The following EWSR1 variants were observed in gnomAD, a reference collection of about 807,000 sequenced individuals.
EWSR1 encodes RNA-binding protein EWS.
EWSR1 carries 14 observed loss-of-function variants against 92.1 expected under a neutral mutation model. That is an observed-to-expected ratio of 0.15 (90% CI 0.10 to 0.24). The LOEUF is 0.24. EWSR1 is among the 10% of genes least tolerant of loss of function. The pLI is 1.00. For missense variants in EWSR1, 637 were observed against 870.9 expected (o/e 0.73, Z 3.38); for synonymous variants, 303 against 292.9 (o/e 1.03, Z -0.35).
intron 3 of EWSR1, 144 bp from the exon 4 acceptor site, chr22:29,273,597 G>C (rs2058859793): frequency 1.1e-6 from 1 of 898,480 alleles, no homozygotes; most frequent in African/African-American, 1.7e-5. Flanking sequence ...GTGATTATTT[G>C]TCTTGTTTTG....
At chr22:29,299,104 G>A in intron 14 of EWSR1, 130 bp from the exon 15 acceptor site, 2 of 1,549,024 alleles carry the variant, frequency 1.3e-6, no homozygotes, top group Non-Finnish European at 1.8e-6. Context: ...GCTGCCTGAG[G>A]CTGTGCCCTA....
At chr22:29,273,908 G>A (rs758647750) in intron 4 of EWSR1, 44 bp downstream of exon 4, 1 of 1,609,798 alleles carries the variant, frequency 6.2e-7, no homozygotes, top group Non-Finnish European at 8.5e-7. Context: ...TCTGGCTAGG[G>A]CATTGGCTAA....
intron 1 of EWSR1, among the ~76,000 whole-genome samples, chr22:29,268,660 G>C (rs934615202): frequency 6.6e-6 from 1 of 152,166 alleles, no homozygotes; most frequent in African/African-American, 2.4e-5. Flanking sequence ...CCACGTGGGC[G>C]GGGCCTGCGG....
intron 5 of EWSR1, among the ~76,000 whole-genome samples, chr22:29,281,015 G>T (rs1368946636): frequency 6.6e-6 from 1 of 151,666 alleles, no homozygotes; most frequent in Non-Finnish European, 1.5e-5. Context: ...AAGTAGCTGG[G>T]ACTACAGGCA....
chr22:29,282,784 A>G (rs1233755010), intron 6 of EWSR1, among the ~76,000 whole-genome samples: 6 of 142,748 alleles, frequency 4.2e-5, no homozygotes. Context: ...TTCCCCCGAG[A>G]CGGAGTCTCT....
At chr22:29,281,544 A>G (rs2059602161) in intron 5 of EWSR1, among the ~76,000 whole-genome samples, 1 of 151,876 alleles carries the variant, frequency 6.6e-6, no homozygotes, top group African/African-American at 2.4e-5. Flanking sequence ...GGCTCAAACC[A>G]TCCTCCTGCC....
intron 5 of EWSR1, 94 bp from the exon 6 acceptor site, chr22:29,282,296 G>A (rs376496961): frequency 1.9e-5 from 18 of 948,420 alleles, no homozygotes; most frequent in Non-Finnish European, 2.3e-5. Context: ...CTTATTGCTC[G>A]TAGCTTTGTA....
At chr22:29,287,712 T>C (rs548156925) in intron 7 of EWSR1, among the ~76,000 whole-genome samples, 1 of 152,264 alleles carries the variant, frequency 6.6e-6, no homozygotes, top group Non-Finnish European at 1.5e-5. Flanking sequence ...TTTAGACTGC[T>C]AGCCCTGCTG....
intron 4 of EWSR1, chr22:29,276,818 GT>G: frequency 4.3e-6 from 1 of 231,192 alleles, no homozygotes; most frequent in Non-Finnish European, 8.6e-6. Context: ...GCCCAGCTAA[GT>G]TTGTTTATTT....
chr22:29,284,022 C>T (rs562352963), intron 6 of EWSR1, among the ~76,000 whole-genome samples: 13 of 151,326 alleles, frequency 8.6e-5, no homozygotes, highest in East Asian at 1.9e-4. Flanking sequence ...TTAGTAGAGA[C>T]GGGGTTTCTC....
intron 4 of EWSR1, chr22:29,277,229 A>G (rs2059190738): frequency 4.4e-6 from 1 of 226,206 alleles, no homozygotes; most frequent in Non-Finnish European, 8.8e-6. Context: ...GTTTACCTCC[A>G]ATATTGCTGA....
In EWSR1 at chr22:29,288,607, T is replaced by C. The variant is rs1335758733; in HGVS notation, c.795T>C (p.Ser265=). The change falls in exon 8 of 17, where the codon AGT becomes AGC. Residue 265 remains serine, a splice_region_variant and synonymous_variant. Coordinates refer to ENST00000397938, the MANE Select transcript of EWSR1 (RefSeq NM_005243.4). The stretch of plus-strand genomic sequence containing the variant: ...TTACAGATGTGACTCTTTCCTCAGG[T>C]TCATTCCGACAGGACCACCCCAGTA... ...SQQSSSYGQQ[S]SFRQDHPSSM... The C allele has an allele frequency of 6.2e-7, 1 of 1,610,194 alleles. No individual in the cohort carries two copies. The highest frequency in any genetic ancestry group is 1.1e-5 in the South Asian group (1 of 90,734).
At chr22:29,296,162 T>C in intron 11 of EWSR1, 77 bp from the exon 12 acceptor site, 2 of 1,458,132 alleles carry the variant, frequency 1.4e-6, no homozygotes, top group Non-Finnish European at 1.9e-6. Flanking sequence ...TTGGTACTTT[T>C]CCTGGATTTT....
At chr22:29,299,482 G>GAGTGA in intron 15 of EWSR1, 117 bp from the exon 16 acceptor site, 1 of 1,489,576 alleles carries the variant, frequency 6.7e-7, no homozygotes, top group Non-Finnish European at 9.0e-7. Flanking sequence ...TGCCGAGATT[G>GAGTGA]AGTGAAGTGT....
intron 10 of EWSR1, 42 bp downstream of exon 10, chr22:29,292,211 A>G (rs1235750368): frequency 6.3e-7 from 1 of 1,583,424 alleles, no homozygotes; most frequent in African/African-American, 1.3e-5. Flanking sequence ...GTGCTTTGTA[A>G]ATTAATGGTA....
chr22:29,294,697 C>T (rs998040377), intron 11 of EWSR1, among the ~76,000 whole-genome samples: 1 of 151,706 alleles, frequency 6.6e-6, no homozygotes, highest in Non-Finnish European at 1.5e-5. Context: ...GGGTGGATCA[C>T]GAAGTCAAGA....
At chr22:29,281,319 G>GT (rs1032592306) in intron 5 of EWSR1, among the ~76,000 whole-genome samples, 26 of 149,884 alleles carry the variant, frequency 1.7e-4, no homozygotes, top group East Asian at 4.0e-4. Context: ...CTGGCAGTTT[G>GT]TTTTTTTTGA....
intron 1 of EWSR1, among the ~76,000 whole-genome samples, chr22:29,271,704 C>G (rs2058695330): frequency 6.6e-6 from 1 of 152,186 alleles, no homozygotes; most frequent in African/African-American, 2.4e-5. Context: ...TTCCGTTTCA[C>G]TGTCGTTGAG....
chr22:29,277,968 A>G, intron 4 of EWSR1, 62 bp from the exon 5 acceptor site: 16 of 1,450,098 alleles, frequency 1.1e-5, no homozygotes, highest in Non-Finnish European at 1.4e-5. Flanking sequence ...TGTTCTGATA[A>G]TGAGTGTCTA....
Sources: allele counts gnomAD v4.1 joint callset (sites outside exome capture counted in the v4.1 genomes callset), GRCh38; gene constraint gnomAD v4.1.1; transcripts MANE v1.5; gene names NCBI Gene and HGNC (gene_info 2026-07-23, HGNC 2026-07-21).